The following KLHL32 variants were observed in gnomAD, a reference collection of about 807,000 sequenced individuals.
KLHL32 encodes kelch-like protein 32.
KLHL32 carries 35 observed loss-of-function variants against 64.8 expected under a neutral mutation model. That is an observed-to-expected ratio of 0.54 (90% CI 0.41 to 0.72). The LOEUF is 0.72. KLHL32 is among the 30% of genes least tolerant of loss of function. KLHL32 has a pLI of 0.00. For synonymous variants in KLHL32, 259 were observed against 281.0 expected (o/e 0.92, Z 0.78); for missense variants, 589 against 768.5 (o/e 0.77, Z 2.76).
intron 3 of KLHL32, among the ~76,000 whole-genome samples, chr6:97,019,349 AAGG>A (rs1317909045): frequency 6.6e-6 from 1 of 152,242 alleles, no homozygotes; most frequent in African/African-American, 2.4e-5. Flanking sequence ...AGAAGGCAGG[AAGG>A]AGAAGTTGGT....
chr6:97,023,414 TC>T (rs1233367557), intron 3 of KLHL32, among the ~76,000 whole-genome samples: 2 of 152,220 alleles, frequency 1.3e-5, no homozygotes, highest in African/African-American at 2.4e-5. Flanking sequence ...TCTTTCAATT[TC>T]ACAAGTAAAA....
At chr6:97,112,039 T>G (rs1257917426) in intron 6 of KLHL32, among the ~76,000 whole-genome samples, 14 of 146,202 alleles carry the variant, frequency 9.6e-5, no homozygotes, top group Non-Finnish European at 1.5e-4. Context: ...GATGGGGGGG[T>G]GGGGTGGATC....
At chr6:96,967,119 T>C (rs545128964) in intron 2 of KLHL32, 36 bp downstream of exon 2, 1 of 1,605,326 alleles carries the variant, frequency 6.2e-7, no homozygotes, top group South Asian at 1.1e-5. Flanking sequence ...CATGCCGTAG[T>C]GAGCCCTGAA....
chr6:97,127,293 C>A (rs1370764995), intron 7 of KLHL32, 111 bp from the exon 8 acceptor site: 2 of 855,174 alleles, frequency 2.3e-6, no homozygotes, highest in Non-Finnish European at 3.9e-6. Flanking sequence ...TGAGGGTATA[C>A]AAACAGATCC....
At chr6:97,137,506 T>G (rs1164105074) in intron 10 of KLHL32, among the ~76,000 whole-genome samples, 1 of 152,110 alleles carries the variant, frequency 6.6e-6, no homozygotes, top group Non-Finnish European at 1.5e-5. Context: ...AGGGCCCATT[T>G]CCTGTAAAAT....
intron 4 of KLHL32, among the ~76,000 whole-genome samples, chr6:97,054,909 A>G (rs1787553924): frequency 6.6e-6 from 1 of 152,168 alleles, no homozygotes; most frequent in African/African-American, 2.4e-5. Context: ...ACTGCGCCCC[A>G]GCCTGGGCAA....
At chr6:97,112,612 A>G (rs1797295985) in intron 6 of KLHL32, among the ~76,000 whole-genome samples, 1 of 151,908 alleles carries the variant, frequency 6.6e-6, no homozygotes, top group African/African-American at 2.4e-5. Context: ...ACGCCCAGCT[A>G]ATTTTTGTAG....
rs1262470285 is a variant in KLHL32 at position 97,140,722 on chromosome 6, A to AAAG, written c.*1441_*1443dup. 1.3e-5 allele frequency: 2 copies of AAAG among 152,020 alleles called. No homozygotes were observed. The highest frequency in any genetic ancestry group is 4.8e-5 in the African/African-American group (2 of 41,452). 9.4% of individuals were successfully genotyped at this position (152,020 alleles called of 1,614,324 possible). On this transcript the variant is annotated 3_prime_UTR_variant, in exon 11 of 11. Transcript: ENST00000369261. The stretch of plus-strand genomic sequence containing the variant: ...TTCATGTAACCTTTTTTTGTAATCA[A>AAAG]AAGTGAATAAAAACGATCTTTTTGT...
the KLHL32 span, among the ~76,000 whole-genome samples, chr6:96,918,116 G>A: frequency 1.2e-4 from 18 of 152,162 alleles, no homozygotes; most frequent in Non-Finnish European, 2.6e-4. Flanking sequence ...GCTATAAAAA[G>A]GAGGAAAAGA....
intron 6 of KLHL32, among the ~76,000 whole-genome samples, chr6:97,106,603 T>G (rs1052554218): frequency 6.6e-6 from 1 of 151,770 alleles, no homozygotes; most frequent in African/African-American, 2.4e-5. Context: ...AATAGCTGGG[T>G]GGTAATGGCG....
chr6:96,924,566 G>A (rs2127983295), upstream of KLHL32: 1 of 152,062 alleles, frequency 6.6e-6, no homozygotes, highest in East Asian at 2.0e-4. Flanking sequence ...GGATCGCGGG[G>A]GAGGGGGAGG....
intron 4 of KLHL32, among the ~76,000 whole-genome samples, chr6:97,053,773 TTAAA>T (rs1272951223): frequency 6.6e-6 from 1 of 151,860 alleles, no homozygotes; most frequent in Non-Finnish European, 1.5e-5. Flanking sequence ...AATAAATGTA[TTAAA>T]TAAATTTATT....
chr6:96,957,273 C>A (rs1234639347), intron 1 of KLHL32, among the ~76,000 whole-genome samples: 1 of 152,100 alleles, frequency 6.6e-6, no homozygotes, highest in Non-Finnish European at 1.5e-5. Context: ...AATTTGGGAA[C>A]TCTAAATCTC....
intron 3 of KLHL32, among the ~76,000 whole-genome samples, chr6:97,031,402 C>T (rs1429126207): frequency 1.3e-5 from 2 of 151,756 alleles, no homozygotes; most frequent in Non-Finnish European, 2.9e-5. Context: ...GTGGTGTGAT[C>T]ATGGCTCACT....
chr6:96,941,470 T>C (rs1038360830), intron 1 of KLHL32, among the ~76,000 whole-genome samples: 2 of 152,092 alleles, frequency 1.3e-5, no homozygotes, highest in Non-Finnish European at 2.9e-5. Flanking sequence ...CTTAATCTGA[T>C]TTAATTCTTA....
the KLHL32 span, among the ~76,000 whole-genome samples, chr6:96,899,333 C>T: frequency 6.6e-6 from 1 of 152,124 alleles, no homozygotes; most frequent in Non-Finnish European, 1.5e-5. Context: ...ATTTCTATTT[C>T]TATGGGTGCT....
chr6:96,914,702 G>A, the KLHL32 span: 2 of 151,510 alleles, frequency 1.3e-5, no homozygotes, highest in African/African-American at 4.9e-5. Context: ...TTTTTTTAGA[G>A]ACAAGGTCTC....
intron 4 of KLHL32, among the ~76,000 whole-genome samples, chr6:97,044,137 T>C (rs1464792969): frequency 6.6e-6 from 1 of 152,170 alleles, no homozygotes; most frequent in Admixed American, 6.6e-5. Flanking sequence ...TTTTCAGATA[T>C]GGCCTTTATT....
intron 5 of KLHL32, among the ~76,000 whole-genome samples, chr6:97,071,640 C>T (rs1028213099): frequency 1.1e-4 from 17 of 152,164 alleles, no homozygotes; most frequent in African/African-American, 3.9e-4. Flanking sequence ...CTCATCCTCC[C>T]TGTCTTTGTT....
Sources: allele counts gnomAD v4.1 joint callset (sites outside exome capture counted in the v4.1 genomes callset), GRCh38; gene constraint gnomAD v4.1.1; transcripts MANE v1.5; gene names NCBI Gene and HGNC (gene_info 2026-07-23, HGNC 2026-07-21).